The following DMD variants were observed in gnomAD, a reference collection of about 807,000 sequenced individuals.
DMD encodes the protein mutant dystrophin.
DMD carries 63 observed loss-of-function variants against 330.1 expected under a neutral mutation model. That is an observed-to-expected ratio of 0.19 (90% CI 0.16 to 0.24). DMD has a LOEUF of 0.24. DMD is among the 10% of genes least tolerant of loss of function. DMD has a pLI of 1.00. For synonymous variants in DMD, 1,223 were observed against 959.8 expected (o/e 1.27, Z -5.07); for missense variants, 3,344 against 2,684.1 (o/e 1.25, Z -5.43).
At chrX:31,129,610 C>T (rs969100914) in intron 77 of DMD, among the ~76,000 whole-genome samples, 2 of 112,081 alleles carry the variant, frequency 1.8e-5, no homozygotes, top group African/African-American at 6.5e-5. Context: ...AATGAGAAAG[C>T]AACTATAGGC....
chrX:32,587,892 A>G (rs966482180), intron 13 of DMD, among the ~76,000 whole-genome samples: 4 of 111,551 alleles, frequency 3.6e-5, no homozygotes, highest in African/African-American at 6.5e-5. Context: ...CCCTTTACAG[A>G]TATCTGATAA....
chrX:33,044,703 G>A (rs1374052587), intron 1 of DMD, among the ~76,000 whole-genome samples: 1 of 111,704 alleles, frequency 9.0e-6, no homozygotes, highest in Non-Finnish European at 1.9e-5. Flanking sequence ...AGAATGCTCA[G>A]CGTAGATTCT....
chrX:32,622,168 G>A (rs1479682760), intron 11 of DMD, among the ~76,000 whole-genome samples: 1 of 111,509 alleles, frequency 9.0e-6, no homozygotes, highest in Non-Finnish European at 1.9e-5. Context: ...CTTACAGAGA[G>A]AAGTGTGACT....
intron 55 of DMD, among the ~76,000 whole-genome samples, chrX:31,542,511 T>G (rs1252630465): frequency 1.8e-5 from 2 of 112,070 alleles, no homozygotes; most frequent in Non-Finnish European, 3.8e-5. Flanking sequence ...CCTTATAAAG[T>G]TATCGTAAGA....
intron 60 of DMD, among the ~76,000 whole-genome samples, chrX:31,427,544 G>C (rs1032858462): frequency 8.9e-6 from 1 of 111,845 alleles, no homozygotes; most frequent in Non-Finnish European, 1.9e-5. Context: ...TCATGCAAAA[G>C]TGATTTCTGA....
At chrX:32,215,518 C>T (rs2097109251) in intron 44 of DMD, among the ~76,000 whole-genome samples, 1 of 111,609 alleles carries the variant, frequency 9.0e-6, no homozygotes, top group African/African-American at 3.2e-5. Flanking sequence ...TACTGAACAA[C>T]TATCCTCCAA....
chrX:33,290,166 T>C (rs1033168925), intron 1 of DMD, among the ~76,000 whole-genome samples: 7 of 111,677 alleles, frequency 6.3e-5, no homozygotes. Context: ...TCAAGACACG[T>C]AGATTCTACC....
In DMD at chrX:31,968,370, C is replaced by T; in HGVS notation, c.6583G>A (p.Val2195Ile). The change falls in exon 45 of 79, where the codon GTC becomes ATC. Residue 2195 changes from valine (V) to isoleucine (I), a missense_variant. Transcript: ENST00000357033. ...LGSLNLRWQE[V>I]CKQLSDRKKR... ...TTTCTGTCTGACAGCTGTTTGCAGA[C>T]CTCCTGCCACCGCAGATTCAGGCTT... 2 of 1,210,557 alleles carry T rather than the reference C, an allele frequency of 1.7e-6. No individual in the cohort carries two copies. The highest frequency in any genetic ancestry group is 2.2e-6 in the Non-Finnish European group (2 of 894,821).
At chrX:32,912,962 G>T (rs961311635) in intron 2 of DMD, among the ~76,000 whole-genome samples, 16 of 111,980 alleles carry the variant, frequency 1.4e-4, no homozygotes, top group Non-Finnish European at 2.8e-4. Context: ...TAACTGATTG[G>T]CAAGTTAGTA....
At chrX:31,210,978 G>A (rs2044610488) in intron 64 of DMD, among the ~76,000 whole-genome samples, 1 of 111,888 alleles carries the variant, frequency 8.9e-6, no homozygotes, top group African/African-American at 3.2e-5. Context: ...ACATGGTGGT[G>A]GAAGCAGGAG....
At chrX:32,159,458 C>T (rs1333068802) in intron 44 of DMD, among the ~76,000 whole-genome samples, 6 of 112,159 alleles carry the variant, frequency 5.3e-5, no homozygotes, top group African/African-American at 1.9e-4. Flanking sequence ...CCCCTATTCT[C>T]CTCTTATTTA....
At chrX:31,346,480 A>T (rs2058081461) in intron 61 of DMD, among the ~76,000 whole-genome samples, 1 of 111,488 alleles carries the variant, frequency 9.0e-6, no homozygotes, top group Non-Finnish European at 1.9e-5. Flanking sequence ...GGCTTTTTAA[A>T]TACCAAAAAA....
intron 55 of DMD, among the ~76,000 whole-genome samples, chrX:31,529,171 G>A (rs111510745): frequency 9.4e-6 from 1 of 106,237 alleles, no homozygotes; most frequent in Non-Finnish European, 1.9e-5. Context: ...GCAGTGAGCC[G>A]AGATCGCACC....
intron 9 of DMD, among the ~76,000 whole-genome samples, chrX:32,695,252 T>C (rs2063563589): frequency 9.0e-6 from 1 of 111,564 alleles, no homozygotes; most frequent in Non-Finnish European, 1.9e-5. Flanking sequence ...TGAATTCAGG[T>C]TCTGCCACTT....
At chrX:33,307,452 G>A (rs1398334718) in intron 1 of DMD, among the ~76,000 whole-genome samples, 7 of 112,364 alleles carry the variant, frequency 6.2e-5, no homozygotes, top group African/African-American at 2.3e-4. Flanking sequence ...AGAACTTTGG[G>A]AGGCCAAGGC....
intron 50 of DMD, among the ~76,000 whole-genome samples, chrX:31,805,796 T>A (rs1461896744): frequency 8.9e-6 from 1 of 112,222 alleles, no homozygotes; most frequent in Non-Finnish European, 1.9e-5. Context: ...ATAAGAAATA[T>A]TTTTTCCCCT....
intron 55 of DMD, among the ~76,000 whole-genome samples, chrX:31,512,893 G>C (rs1191572276): frequency 1.5e-4 from 16 of 108,637 alleles, no homozygotes; most frequent in African/African-American, 5.4e-4. Flanking sequence ...TAGCTTGATG[G>C]GGATGGCATT....
At chrX:31,719,037 A>C (rs924378685) in intron 52 of DMD, among the ~76,000 whole-genome samples, 1 of 111,898 alleles carries the variant, frequency 8.9e-6, no homozygotes, top group Non-Finnish European at 1.9e-5. Flanking sequence ...TATATTACTA[A>C]AGAAATAAAG....
intron 2 of DMD, among the ~76,000 whole-genome samples, chrX:32,941,358 C>T (rs904080443): frequency 8.9e-6 from 1 of 111,894 alleles, no homozygotes; most frequent in Non-Finnish European, 1.9e-5. Context: ...TTCACGTGTT[C>T]ATCACAGCAC....
Sources: allele counts gnomAD v4.1 joint callset (sites outside exome capture counted in the v4.1 genomes callset), GRCh38; gene constraint gnomAD v4.1.1; transcripts MANE v1.5; gene names NCBI Gene and HGNC (gene_info 2026-07-23, HGNC 2026-07-21).